The following ARHGEF10 variants were observed in gnomAD, a reference collection of about 807,000 sequenced individuals.
ARHGEF10 encodes the protein Rho guanine nucleotide exchange factor (GEF) 10.
Under a neutral mutation model 147.4 loss-of-function variants are expected in ARHGEF10, and 140 were observed. The observed-to-expected ratio is 0.95, with a 90% CI of 0.83 to 1.09. The LOEUF (loss-of-function observed/expected upper bound fraction) is 1.09. ARHGEF10 is among the 50% of genes least tolerant of loss of function. The pLI, the probability that ARHGEF10 is intolerant of heterozygous loss-of-function variation, is 0.00. For missense variants in ARHGEF10, 2,222 were observed against 1,752.7 expected, an observed-to-expected ratio of 1.27 and a Z score of -4.78; for synonymous variants, 902 against 695.8, an observed-to-expected ratio of 1.30 and a Z score of -4.67.
At chr8:1,899,200 G>A (rs1440394074) in intron 15 of ARHGEF10, among the ~76,000 whole-genome samples, 1 of 152,170 alleles carries the variant, frequency 6.6e-6, no homozygotes, top group African/African-American at 2.4e-5. Flanking sequence ...TTGCCCGCTC[G>A]TTTTCCGACC....
At chr8:1,950,824 C>G (rs1269775475) in intron 27 of ARHGEF10, among the ~76,000 whole-genome samples, 1 of 150,806 alleles carries the variant, frequency 6.6e-6, no homozygotes, top group Non-Finnish European at 1.5e-5. Flanking sequence ...AGGGGATCCA[C>G]CCACCTCGGC....
At chr8:1,949,664 A>G (rs1485108803) in intron 27 of ARHGEF10, among the ~76,000 whole-genome samples, 7 of 152,164 alleles carry the variant, frequency 4.6e-5, no homozygotes, top group African/African-American at 1.7e-4. Context: ...CAAAATTTCC[A>G]TTAGAAAAAA....
At chr8:1,881,430 C>T (rs1209514058) in intron 9 of ARHGEF10, among the ~76,000 whole-genome samples, 1 of 152,212 alleles carries the variant, frequency 6.6e-6, no homozygotes, top group Non-Finnish European at 1.5e-5. Flanking sequence ...ACAGGCTGTG[C>T]AGGACGGAAA....
At chr8:1,866,447 A>ACT in intron 5 of ARHGEF10, 79 bp from the exon 6 acceptor site, 1 of 1,054,822 alleles carries the variant, frequency 9.5e-7, no homozygotes, top group Non-Finnish European at 1.5e-6. Context: ...ACACACACAC[A>ACT]CACTCTGCAG....
rs139498267 is a variant in ARHGEF10 at position 1,928,571 on chromosome 8, G to A, written c.2842G>A (p.Gly948Arg). ...CGTCGAGGAGAAGCGCAGAGAGCCT[G>A]GGGCACCCCCGGACCCCGAGACCCC... ...VPVEEKRREPGAPPDPETPAV... is the reference protein window; with the variant it reads ...VPVEEKRREPRAPPDPETPAV... The change falls in exon 24 of 29, where the codon GGG (glycine) becomes AGG (arginine). Residue 948 changes from glycine to arginine, a missense_variant. Physicochemically the swap from Gly to Arg is moderately radical, Grantham distance 125. Coordinates refer to ENST00000349830, the MANE Select transcript of ARHGEF10 (RefSeq NM_014629.4). 18 of 1,614,114 alleles carry A rather than the reference G, an allele frequency of 1.1e-5. No individual in the cohort carries two copies. The highest frequency in any genetic ancestry group is 1.5e-5 in the Non-Finnish European group (18 of 1,180,052).
rs576369093 is a variant in ARHGEF10 at position 1,841,399 on chromosome 8, A to G, written c.-47-1954A>G. On this transcript the variant is annotated intron_variant, in intron 1 of 28. Coordinates refer to ENST00000349830, the MANE Select transcript of ARHGEF10 (RefSeq NM_014629.4). ...TTTTGGAAAGCAGAAAGGGGGTCAG[A>G]GAGGCGGATGGAAAGCTGTTTGTCA... Among the ~76,000 whole-genome samples the G allele has an allele frequency of 5.3e-3, 800 of 152,314 alleles. 11 individuals are homozygous for G. The highest frequency in any genetic ancestry group is 0.018 in the African/African-American group (743 of 41,576).
chr8:1,943,950 T>C (rs59960233), intron 26 of ARHGEF10: 71,751 of 150,470 alleles, frequency 0.48, 17,486 homozygotes, highest in African/African-American at 0.53. Context: ...GGGGTTCCAG[T>C]TTGCTCCAGG....
chr8:1,950,391 T>G (rs572475926), intron 27 of ARHGEF10, among the ~76,000 whole-genome samples: 9 of 152,216 alleles, frequency 5.9e-5, no homozygotes, highest in Non-Finnish European at 1.3e-4. Context: ...AGATGTTGAT[T>G]GGCAGACTGC....
At chr8:1,938,392 C>T (rs1813797570) in intron 26 of ARHGEF10, among the ~76,000 whole-genome samples, 1 of 152,152 alleles carries the variant, frequency 6.6e-6, no homozygotes, top group South Asian at 2.1e-4. Context: ...AAGTGCAAAC[C>T]TTTTCTTCCT....
At chr8:1,826,661 G>T (rs1390165549) in intron 1 of ARHGEF10, among the ~76,000 whole-genome samples, 1 of 152,174 alleles carries the variant, frequency 6.6e-6, no homozygotes, top group African/African-American at 2.4e-5. Flanking sequence ...CTGGAAATGC[G>T]CTAATGACGG....
chr8:1,901,832 T>C (rs1810488390), intron 15 of ARHGEF10, among the ~76,000 whole-genome samples: 1 of 152,238 alleles, frequency 6.6e-6, no homozygotes, highest in African/African-American at 2.4e-5. Flanking sequence ...ATAGAATAGT[T>C]TATATTCATT....
intron 7 of ARHGEF10, among the ~76,000 whole-genome samples, chr8:1,873,493 GCACCCGCATTTCCTCGTTTGAGAGGCGC>G (rs1194330111): frequency 6.4e-5 from 9 of 141,346 alleles, no homozygotes; most frequent in East Asian, 4.7e-4. Flanking sequence ...GCGGGGTAGT[GCACCCGCATTTCCTCGTTTGAGAGGCGC>G]CCGCGGGGTA....
intron 7 of ARHGEF10, 62 bp downstream of exon 7, chr8:1,869,312 C>A: frequency 7.1e-7 from 1 of 1,409,008 alleles, no homozygotes; most frequent in Non-Finnish European, 1.0e-6. Context: ...CCTCTGGATG[C>A]CAAAGTGACT....
intron 8 of ARHGEF10, 49 bp from the exon 9 acceptor site, chr8:1,879,999 A>G: frequency 7.6e-7 from 1 of 1,324,502 alleles, no homozygotes; most frequent in South Asian, 1.2e-5. Context: ...TGTCCCAAAG[A>G]ACCAAAAAGA....
At chr8:1,903,231 A>C in intron 15 of ARHGEF10, 50 bp from the exon 16 acceptor site, 1 of 1,607,350 alleles carries the variant, frequency 6.2e-7, no homozygotes, top group Non-Finnish European at 8.5e-7. Flanking sequence ...CTGTTGTTGC[A>C]CTGGGAGTGT....
chr8:1,863,268 C>A (rs139823946), intron 4 of ARHGEF10, among the ~76,000 whole-genome samples: 24 of 152,324 alleles, frequency 1.6e-4, no homozygotes, highest in Non-Finnish European at 2.5e-4. Flanking sequence ...ATCCACCCCC[C>A]CAGCCCCTCG....
In ARHGEF10 at chr8:1,945,478, C is replaced by G. The variant is rs1276054148; in HGVS notation, c.3223-3C>G. 1 of 1,591,590 alleles carries G rather than the reference C, an allele frequency of 6.3e-7. No individual in the cohort carries two copies. The highest frequency in any genetic ancestry group is 1.3e-5 in the African/African-American group (1 of 74,218). ...TAGCAGACTTGACCTCTCGATTTCA[C>G]AGGGTCAGCTGGAGGCCCACCAGGA... On this transcript the variant is annotated splice_region_variant and splice_polypyrimidine_tract_variant and intron_variant, in intron 26 of 28. Transcript: ENST00000349830.
chr8:1,861,987 G>A (rs1262461899), intron 4 of ARHGEF10, among the ~76,000 whole-genome samples: 3 of 152,076 alleles, frequency 2.0e-5, no homozygotes, highest in African/African-American at 7.2e-5. Context: ...TTTTTGTTCT[G>A]TCAACCTAGA....
At chr8:1,839,627 A>G (rs1480678658) in intron 1 of ARHGEF10, among the ~76,000 whole-genome samples, 9 of 92,478 alleles carry the variant, frequency 9.7e-5, no homozygotes, top group Admixed American at 2.6e-4. Context: ...TCTGGTGTGG[A>G]AGCTGTCTGG....
Sources: allele counts gnomAD v4.1 joint callset (sites outside exome capture counted in the v4.1 genomes callset), GRCh38; gene constraint gnomAD v4.1.1; transcripts MANE v1.5; gene names NCBI Gene and HGNC (gene_info 2026-07-23, HGNC 2026-07-21).